Variants in HKDC1 observed in about 807,000 individuals in gnomAD.
HKDC1 encodes the protein hexokinase domain containing 1.
HKDC1 carries 66 observed loss-of-function variants against 96.6 expected under a neutral mutation model. That is an observed-to-expected ratio of 0.68 (90% CI 0.56 to 0.84). The LOEUF (loss-of-function observed/expected upper bound fraction) is 0.84, where lower values mean the gene tolerates loss of function less well. Ranked by LOEUF, HKDC1 falls within the 40% of genes least tolerant of loss-of-function variation. HKDC1 has a pLI of 0.00. For synonymous variants in HKDC1, 466 were observed against 473.1 expected, an observed-to-expected ratio of 0.98 and a Z score of 0.20; for missense variants, 1,211 against 1,208.1, an observed-to-expected ratio of 1.00 and a Z score of -0.04.
chr10:69,236,230 T>C (rs951305362), intron 4 of HKDC1, among the ~76,000 whole-genome samples: 1 of 151,030 alleles, frequency 6.6e-6, no homozygotes. Flanking sequence ...TGTCTCAGCC[T>C]CCCGAATGGT....
chr10:69,254,091 G>A (rs530350131), intron 12 of HKDC1, among the ~76,000 whole-genome samples: 1 of 152,260 alleles, frequency 6.6e-6, no homozygotes, highest in South Asian at 2.1e-4. Flanking sequence ...GATCACTTGA[G>A]GTCAGGAGTT....
intron 10 of HKDC1, among the ~76,000 whole-genome samples, chr10:69,249,853 G>A (rs995394086): frequency 6.6e-5 from 10 of 152,244 alleles, no homozygotes; most frequent in East Asian, 1.9e-4. Flanking sequence ...GCCCTGTACC[G>A]TTCCTTGGGG....
chr10:69,250,497 C>T (rs200794937), intron 11 of HKDC1, 36 bp from the exon 12 acceptor site: 1,330 of 1,613,588 alleles, frequency 8.2e-4, no homozygotes, highest in Middle Eastern at 2.0e-3. Flanking sequence ...CATCGATGTC[C>T]GCCTGGTGTG....
rs1843481541 is a variant in HKDC1 at position 69,243,228 on chromosome 10, C to T, written c.738C>T (p.Asp246=). Residue 246 remains aspartate (D), a synonymous_variant, in exon 7 of 18, where the codon GAC becomes GAT. Transcript: ENST00000354624. ...ACATGGAGGACATGAGCAACATTGA[C>T]CTGGTGGAGGGCGACGAGGGCAGGA... ...ACYMEDMSNI[D]LVEGDEGRMC... 6.2e-7 allele frequency: 1 copy of T among 1,614,210 alleles called. No homozygotes were observed. Among genetic ancestry groups the T allele is most frequent in the Non-Finnish European group, 8.5e-7 (1 of 1,180,040 alleles).
At chr10:69,250,188 G>T (rs1028256254) in intron 10 of HKDC1, 102 bp from the exon 11 acceptor site, 2 of 1,309,986 alleles carry the variant, frequency 1.5e-6, no homozygotes, top group African/African-American at 1.5e-5. Context: ...AGGCCCAGGA[G>T]TGCAGGCCCT....
chr10:69,221,099 G>A (rs1216028358), intron 1 of HKDC1, among the ~76,000 whole-genome samples: 1 of 152,020 alleles, frequency 6.6e-6, no homozygotes, highest in Non-Finnish European at 1.5e-5. Flanking sequence ...GCAGTGAGCC[G>A]AGATCGCGCC....
chr10:69,265,491 A>C (rs1216656994), intron 16 of HKDC1, 94 bp from the exon 17 acceptor site: 10 of 1,063,516 alleles, frequency 9.4e-6, no homozygotes, highest in African/African-American at 6.3e-5. Flanking sequence ...TCCCTCCTGT[A>C]AGGGCATCTA....
intron 4 of HKDC1, among the ~76,000 whole-genome samples, chr10:69,235,852 T>C (rs559053307): frequency 2.6e-5 from 4 of 152,322 alleles, no homozygotes; most frequent in East Asian, 1.9e-4. Context: ...GTGCCTCCGG[T>C]TTTGACACTG....
At chr10:69,249,642 C>T (rs1173312224) in intron 10 of HKDC1, among the ~76,000 whole-genome samples, 1 of 152,160 alleles carries the variant, frequency 6.6e-6, no homozygotes, top group Non-Finnish European at 1.5e-5. Flanking sequence ...ACTACAGGCG[C>T]CCAGCACCAC....
intron 6 of HKDC1, 84 bp downstream of exon 6, chr10:69,240,835 G>A (rs768682125): frequency 8.0e-5 from 75 of 936,886 alleles, no homozygotes; most frequent in Non-Finnish European, 1.1e-4. Context: ...GAGTGAATTC[G>A]GCGGGAAGGG....
intron 10 of HKDC1, 103 bp from the exon 11 acceptor site, chr10:69,250,187 A>T (rs553386047): frequency 1.5e-4 from 192 of 1,273,540 alleles, no homozygotes; most frequent in Non-Finnish European, 2.0e-4. Flanking sequence ...GAGGCCCAGG[A>T]GTGCAGGCCC....
chr10:69,247,024 A>G (rs893414908), intron 8 of HKDC1, among the ~76,000 whole-genome samples: 1 of 152,214 alleles, frequency 6.6e-6, no homozygotes, highest in African/African-American at 2.4e-5. Context: ...TCTCGGCTCT[A>G]GCCCTTACTA....
intron 2 of HKDC1, 143 bp downstream of exon 2, chr10:69,227,512 A>G: frequency 1.2e-6 from 1 of 868,540 alleles, no homozygotes; most frequent in South Asian, 1.8e-5. Flanking sequence ...TCTCTGCTTC[A>G]GTCCTGCTGA....
intron 13 of HKDC1, 47 bp from the exon 14 acceptor site, chr10:69,257,280 A>G: frequency 1.3e-6 from 2 of 1,557,228 alleles, no homozygotes; most frequent in Non-Finnish European, 1.8e-6. Context: ...TTGCACATTC[A>G]ACTCATAGTA....
At chr10:69,252,705 C>T (rs2132366803) in intron 12 of HKDC1, among the ~76,000 whole-genome samples, 1 of 150,814 alleles carries the variant, frequency 6.6e-6, no homozygotes, top group Non-Finnish European at 1.5e-5. Flanking sequence ...GTCCCAGCTA[C>T]TGGAGAGTAT....
intron 14 of HKDC1, among the ~76,000 whole-genome samples, chr10:69,258,416 G>A (rs1393327844): frequency 6.6e-6 from 1 of 152,102 alleles, no homozygotes; most frequent in Non-Finnish European, 1.5e-5. Context: ...AGCTCTGACT[G>A]CTAATTTTAC....
chr10:69,255,965 CA>C (rs1254991978), intron 12 of HKDC1, among the ~76,000 whole-genome samples: 15 of 150,528 alleles, frequency 1.0e-4, no homozygotes, highest in African/African-American at 3.4e-4. Context: ...TTATAAAAAT[CA>C]TATATGTTAA....
intron 1 of HKDC1, among the ~76,000 whole-genome samples, chr10:69,223,395 C>T (rs183908519): frequency 4.7e-4 from 72 of 152,146 alleles, no homozygotes; most frequent in African/African-American, 1.7e-3. Context: ...GAACTGCTTC[C>T]CTCACTTACT....
In HKDC1 at chr10:69,232,747, A is replaced by T; in HGVS notation, c.227-17A>T. On this transcript the variant is annotated splice_polypyrimidine_tract_variant and intron_variant, in intron 2 of 17. Coordinates refer to ENST00000354624, the MANE Select transcript of HKDC1 (RefSeq NM_025130.4). ...GTAGACCCTCAATAAATGGAAACTG[A>T]ATTTGTTTCTTAATAGAAAATGGGG... The T allele has an allele frequency of 6.2e-7, 1 of 1,613,168 alleles. No homozygotes were observed. Among genetic ancestry groups the T allele is most frequent in the Non-Finnish European group, 8.5e-7 (1 of 1,179,328 alleles).
Sources: gnomAD v4.1 joint callset for allele counts (sites outside exome capture counted in the v4.1 genomes callset) on GRCh38, gnomAD v4.1.1 for gene constraint, MANE v1.5 for transcripts, NCBI Gene and HGNC (gene_info 2026-07-23, HGNC 2026-07-21) for gene names.